Variants in PSMD14 observed in about 807,000 individuals in gnomAD.
PSMD14 encodes the protein proteasome 26S subunit, non-ATPase 14.
PSMD14 carries 7 observed loss-of-function variants against 41.2 expected under a neutral mutation model. The ratio of observed to expected loss-of-function variants is 0.17; its 90% confidence interval spans 0.10 to 0.32. The LOEUF (loss-of-function observed/expected upper bound fraction) is 0.32. Ranked by LOEUF, PSMD14 falls within the 10% of genes least tolerant of loss-of-function variation. The pLI, the probability that PSMD14 is intolerant of heterozygous loss-of-function variation, is 1.00. For synonymous variants in PSMD14, 114 were observed against 122.3 expected (o/e 0.93, Z 0.45); for missense variants, 139 against 375.6 (o/e 0.37, Z 5.21).
intron 3 of PSMD14, among the ~76,000 whole-genome samples, chr2:161,342,237 A>G (rs760359035): frequency 3.9e-5 from 6 of 152,142 alleles, no homozygotes; most frequent in Non-Finnish European, 7.4e-5. Flanking sequence ...GGAAACATTC[A>G]TTATCTGACC....
chr2:161,370,249 TG>T, intron 6 of PSMD14, 72 bp downstream of exon 6: 1 of 1,128,568 alleles, frequency 8.9e-7, no homozygotes, highest in Admixed American at 2.9e-5. Flanking sequence ...AAGTTATAGA[TG>T]TTTATCAATG....
intron 8 of PSMD14, among the ~76,000 whole-genome samples, chr2:161,387,875 T>C (rs1241085645): frequency 6.6e-6 from 1 of 152,030 alleles, no homozygotes; most frequent in Non-Finnish European, 1.5e-5. Context: ...ATTTTCACGT[T>C]CATGTTTTAT....
chr2:161,406,885 C>T (rs1683954512), intron 10 of PSMD14, among the ~76,000 whole-genome samples: 1 of 152,016 alleles, frequency 6.6e-6, no homozygotes, highest in Non-Finnish European at 1.5e-5. Flanking sequence ...CTTTTTATAC[C>T]TAACTTTTCA....
intron 2 of PSMD14, 76 bp from the exon 3 acceptor site, chr2:161,318,746 A>G (rs1689171873): frequency 8.9e-7 from 1 of 1,119,528 alleles, no homozygotes; most frequent in African/African-American, 1.6e-5. Flanking sequence ...GAGTGACTGA[A>G]GGTGAATTAT....
At chr2:161,384,154 C>G (rs1403557053) in intron 7 of PSMD14, 1 of 151,568 alleles carries the variant, frequency 6.6e-6, no homozygotes, top group African/African-American at 2.4e-5. Flanking sequence ...AGGAATGAAT[C>G]TTTGGGAAAA....
intron 10 of PSMD14, among the ~76,000 whole-genome samples, chr2:161,404,917 C>T (rs948170979): frequency 6.6e-6 from 1 of 152,176 alleles, no homozygotes; most frequent in African/African-American, 2.4e-5. Context: ...CTTTAAAAGT[C>T]TGTTTTCATA....
intron 10 of PSMD14, among the ~76,000 whole-genome samples, chr2:161,399,669 T>C (rs1443776808): frequency 6.6e-6 from 1 of 152,088 alleles, no homozygotes; most frequent in African/African-American, 2.4e-5. Flanking sequence ...CATGGAAAAG[T>C]TCTAGCCTTT....
At chr2:161,357,005 A>C (rs1466089339) in intron 3 of PSMD14, among the ~76,000 whole-genome samples, 2 of 151,164 alleles carry the variant, frequency 1.3e-5, no homozygotes, top group Non-Finnish European at 2.9e-5. Context: ...TAGTGTTAAC[A>C]AATTTGTTAA....
chr2:161,357,697 A>G (rs1683226648), intron 3 of PSMD14, among the ~76,000 whole-genome samples: 1 of 152,138 alleles, frequency 6.6e-6, no homozygotes, highest in Non-Finnish European at 1.5e-5. Context: ...GTTGCAGAAT[A>G]TTCAGATGTT....
intron 11 of PSMD14, 37 bp downstream of exon 11, chr2:161,408,936 A>G: frequency 6.6e-7 from 1 of 1,522,420 alleles, no homozygotes; most frequent in Non-Finnish European, 9.0e-7. Context: ...CAGTTGCATA[A>G]TAACATGTTC....
At chr2:161,312,803 C>A (rs1026796303) in intron 1 of PSMD14, among the ~76,000 whole-genome samples, 4 of 152,172 alleles carry the variant, frequency 2.6e-5, no homozygotes, top group Admixed American at 2.0e-4. Context: ...AAGTATAACA[C>A]ATTCACTTTG....
chr2:161,400,691 C>G (rs1243886729), intron 10 of PSMD14, among the ~76,000 whole-genome samples: 2 of 152,018 alleles, frequency 1.3e-5, no homozygotes, highest in African/African-American at 4.8e-5. Context: ...GTAGCTGGGA[C>G]TACAGGCATG....
chr2:161,330,407 C>G (rs1682771399), intron 3 of PSMD14, among the ~76,000 whole-genome samples: 1 of 152,016 alleles, frequency 6.6e-6, no homozygotes. Context: ...ATCAAAGATA[C>G]AATCTGTGTT....
intron 3 of PSMD14, among the ~76,000 whole-genome samples, chr2:161,320,323 C>G (rs1006688133): frequency 3.9e-5 from 6 of 152,136 alleles, no homozygotes; most frequent in African/African-American, 1.4e-4. Flanking sequence ...TGGAAAACCC[C>G]TGGACATGAA....
intron 7 of PSMD14, among the ~76,000 whole-genome samples, chr2:161,372,201 A>C (rs1224835953): frequency 6.6e-6 from 1 of 152,110 alleles, no homozygotes. Flanking sequence ...TTGAGCATGT[A>C]CTTCCATTGT....
chr2:161,329,852 G>A (rs1322718579), intron 3 of PSMD14, among the ~76,000 whole-genome samples: 6 of 152,044 alleles, frequency 3.9e-5, no homozygotes, highest in African/African-American at 9.7e-5. Flanking sequence ...CTTTCTAGTC[G>A]TCATTGTAGT....
chr2:161,380,486 T>A (rs940469999), intron 7 of PSMD14, among the ~76,000 whole-genome samples: 6 of 151,938 alleles, frequency 3.9e-5, no homozygotes, highest in African/African-American at 1.4e-4. Context: ...TCTTCACTTG[T>A]CAAAAAAAGT....
At chr2:161,317,695 AT>A (rs1166188118) in intron 2 of PSMD14, among the ~76,000 whole-genome samples, 1 of 152,210 alleles carries the variant, frequency 6.6e-6, no homozygotes, top group Non-Finnish European at 1.5e-5. Flanking sequence ...AACAAAGGTG[AT>A]TGGTGGGGGA....
chr2:161,322,556 A>G (rs1318588286), intron 3 of PSMD14, among the ~76,000 whole-genome samples: 3 of 151,924 alleles, frequency 2.0e-5, no homozygotes, highest in African/African-American at 7.3e-5. Context: ...CGCCCAGCTA[A>G]TTTTTTTATT....
Sources: gnomAD v4.1 joint callset for allele counts (sites outside exome capture counted in the v4.1 genomes callset) on GRCh38, gnomAD v4.1.1 for gene constraint, MANE v1.5 for transcripts, NCBI Gene and HGNC (gene_info 2026-07-23, HGNC 2026-07-21) for gene names.